KAZN: variants seen among roughly 807,000 people sequenced by gnomAD.
KAZN encodes the protein kazrin.
In KAZN, 40 loss-of-function variants were observed where a neutral mutation model predicts 87.4. The observed-to-expected ratio is 0.46, with a 90% CI of 0.36 to 0.60. The LOEUF (loss-of-function observed/expected upper bound fraction) is 0.60, where lower values mean the gene tolerates loss of function less well. Ranked by LOEUF, KAZN falls within the 20% of genes least tolerant of loss-of-function variation. The pLI, the probability that KAZN is intolerant of heterozygous loss-of-function variation, is 0.00. For synonymous variants in KAZN, 466 were observed against 458.3 expected (o/e 1.02, Z -0.22); for missense variants, 898 against 1,073.9 (o/e 0.84, Z 2.29).
At chr1:14,790,538 A>G (rs1479201330) in intron 1 of KAZN, among the ~76,000 whole-genome samples, 1 of 152,206 alleles carries the variant, frequency 6.6e-6, no homozygotes, top group Non-Finnish European at 1.5e-5. Flanking sequence ...ATCTAATTAC[A>G]GAATGTTTAC....
rs141510584 is a variant in KAZN at position 13,931,389 on chromosome 1, C to T, written c.91+37633C>T. On this transcript the variant is annotated intron_variant, in intron 1 of 16. Transcript: ENST00000636203. ...GCTTTGCAGTGCAGGAAAACCTGGC[C>T]GGGTGTGACTGCAGCAAATTGCTTC... Among the ~76,000 whole-genome samples the T allele has an allele frequency of 7.4e-3, 1,133 of 152,104 alleles. 3 individuals carry two copies. The highest frequency in any genetic ancestry group is 0.013 in the Non-Finnish European group (874 of 68,008).
At position 14,084,668 on chromosome 1, in the gene KAZN, G is replaced by T. The variant is rs1643797670; in HGVS notation, c.92-95767G>T. On this transcript the variant is annotated intron_variant, in intron 1 of 16. Coordinates refer to the KAZN transcript ENST00000636203. ...TTAAAAAAAAAGTAAAACCTAATTG[G>T]CCATCTTATATCAATACAATAGTCA... 2.0e-5 allele frequency among the ~76,000 whole-genome samples: 3 copies of T among 146,906 alleles called. No individual in the cohort carries two copies. The Admixed American group carries it at 2.1e-4, about 10-fold the overall frequency.
chr1:14,657,077 CTTTTT>C, intron 1 of KAZN, among the ~76,000 whole-genome samples: 1 of 83,362 alleles, frequency 1.2e-5, no homozygotes, highest in African/African-American at 4.4e-5. Flanking sequence ...AAGAGAGAGG[CTTTTT>C]TTTTTTTTTT....
At chr1:14,812,815 T>G (rs1196223818) in intron 1 of KAZN, among the ~76,000 whole-genome samples, 1 of 152,194 alleles carries the variant, frequency 6.6e-6, no homozygotes, top group Non-Finnish European at 1.5e-5. Context: ...TGCCCAGACT[T>G]AAGCTTGATT....
chr1:14,948,309 A>C (rs1423754160), intron 1 of KAZN, among the ~76,000 whole-genome samples: 1 of 152,210 alleles, frequency 6.6e-6, no homozygotes, highest in East Asian at 1.9e-4. Context: ...TTCGGATATT[A>C]TCTGAATCCT....
intron 2 of KAZN, among the ~76,000 whole-genome samples, chr1:14,327,560 C>T (rs1013261330): frequency 6.6e-6 from 1 of 152,172 alleles, no homozygotes; most frequent in African/African-American, 2.4e-5. Flanking sequence ...TTCTCAATGC[C>T]TAGAGTCTAA....
intron 1 of KAZN, among the ~76,000 whole-genome samples, chr1:14,698,667 C>A (rs922837364): frequency 2.0e-5 from 3 of 152,216 alleles, no homozygotes; most frequent in Non-Finnish European, 4.4e-5. Flanking sequence ...CTGGCAGAAT[C>A]CTTTGTGTAA....
At position 15,077,456 on chromosome 1, in the gene KAZN, G is replaced by C. The variant is rs1429337736; in HGVS notation, c.1222+11703G>C. On this transcript the variant is annotated intron_variant, in intron 8 of 14. Coordinates refer to ENST00000376030, the MANE Select transcript of KAZN (RefSeq NM_201628.3). This position sits in a 1 kb window ranked among gnomAD's most constrained non-coding sequence, Gnocchi z 4.8. ...CCCAGAGAAGTGTTCCCAAGACTTA[G>C]AGTGTTTGGGGAGTGGCAGTGGAGA... Among the ~76,000 whole-genome samples, 1 of 152,230 alleles carries C rather than the reference G, an allele frequency of 6.6e-6. No homozygotes were observed. The highest frequency in any genetic ancestry group is 1.5e-5 in the Non-Finnish European group (1 of 68,038).
intron 1 of KAZN, among the ~76,000 whole-genome samples, chr1:14,951,224 C>A (rs1459667243): frequency 6.6e-6 from 1 of 151,822 alleles, no homozygotes; most frequent in Non-Finnish European, 1.5e-5. Context: ...CGAGGAGGTG[C>A]CCTAGTCCAC....
intron 2 of KAZN, among the ~76,000 whole-genome samples, chr1:15,032,766 T>C (rs1173724370): frequency 6.6e-6 from 1 of 151,864 alleles, no homozygotes; most frequent in South Asian, 2.1e-4. Flanking sequence ...CTGGCCAACA[T>C]GGTGAAACCC....
intron 8 of KAZN, among the ~76,000 whole-genome samples, chr1:15,068,479 CT>C (rs1467368584): frequency 6.6e-6 from 1 of 152,162 alleles, no homozygotes; most frequent in Admixed American, 6.5e-5. Context: ...CCTTCTCCCC[CT>C]GAGCTCCTTC....
intron 8 of KAZN, 117 bp downstream of exon 8, chr1:15,065,870 G>A: frequency 6.5e-7 from 1 of 1,532,210 alleles, no homozygotes; most frequent in Non-Finnish European, 8.8e-7. Context: ...GAGCGTGGGT[G>A]CGCGTGTGGC....
chr1:14,857,170 T>C (rs1386457907), intron 1 of KAZN, among the ~76,000 whole-genome samples: 1 of 152,028 alleles, frequency 6.6e-6, no homozygotes, highest in Non-Finnish European at 1.5e-5. Context: ...TTTTGCAAAA[T>C]GGGGTAACAA....
intron 1 of KAZN, among the ~76,000 whole-genome samples, chr1:14,092,594 T>TATACACACATATATACATATGTATGTAC (rs1644027922): frequency 1.5e-4 from 23 of 150,660 alleles, no homozygotes; most frequent in Admixed American, 1.1e-3. Flanking sequence ...TATATGTACA[T>TATACACACATATATACATATGTATGTAC]ATACACACAT....
intron 1 of KAZN, among the ~76,000 whole-genome samples, chr1:14,131,782 T>C (rs16853615): frequency 0.019 from 2,931 of 152,144 alleles, 112 homozygotes; most frequent in African/African-American, 0.068. Flanking sequence ...GCTCAAAGGA[T>C]ATCACCAAGC....
rs201058383 is a variant in KAZN, at chr1:14,918,707, AATATATATATATATATATATAT to A, written c.227-41956_227-41935del. Among the ~76,000 whole-genome samples, 32 of 24,686 alleles carry A rather than the reference AATATATATATATATATATATAT, an allele frequency of 1.3e-3. 2 individuals carry two copies. Among genetic ancestry groups the A allele is most frequent in the East Asian group, 3.4e-3 (2 of 594 alleles). The allele number at this position is 24,686 out of a possible 152,430, so 16.2% of individuals were successfully genotyped here. A position where few individuals can be genotyped will look rare whatever the true frequency, so the allele number is the denominator to read the frequency against. On this transcript the variant is annotated intron_variant, in intron 1 of 14. Coordinates refer to ENST00000376030, the MANE Select transcript of KAZN (RefSeq NM_201628.3). ...AAAAAAAAAAAAAAAAAAAAAAAAA[AATATATATATATATATATATAT>A]ATATATATATATATATATATCCTGG...
intron 1 of KAZN, among the ~76,000 whole-genome samples, chr1:14,778,371 C>T (rs918980646): frequency 1.6e-4 from 23 of 148,090 alleles, no homozygotes; most frequent in African/African-American, 5.5e-4. Context: ...TCCAAAAAGC[C>T]TGCTTTCTGT....
intron 2 of KAZN, among the ~76,000 whole-genome samples, chr1:14,249,924 C>T (rs1235639247): frequency 2.0e-5 from 3 of 152,010 alleles, no homozygotes; most frequent in Admixed American, 6.6e-5. Context: ...CACAGCTGTC[C>T]GTTTGGCATA....
chr1:14,076,844 G>A (rs1179218441), intron 1 of KAZN, among the ~76,000 whole-genome samples: 1 of 152,050 alleles, frequency 6.6e-6, no homozygotes, highest in African/African-American at 2.4e-5. Context: ...CTGGTTGTGG[G>A]GCCCTGAGGC....
Sources: gnomAD v4.1 joint callset for allele counts (sites outside exome capture counted in the v4.1 genomes callset) on GRCh38, gnomAD v4.1.1 for gene constraint, Gnocchi (gnomAD v3.1) non-coding constraint, MANE v1.5 for transcripts, NCBI Gene and HGNC (gene_info 2026-07-23, HGNC 2026-07-21) for gene names.